The following CDC14B variants were observed in gnomAD, a reference collection of about 807,000 sequenced individuals.
CDC14B encodes the protein dual specificity protein phosphatase CDC14B.
A neutral mutation model predicts 64.2 loss-of-function variants in CDC14B; 22 were observed. The observed-to-expected ratio is 0.34, with a 90% CI of 0.24 to 0.49. The LOEUF (loss-of-function observed/expected upper bound fraction) is 0.49. Ranked by LOEUF, CDC14B falls within the 20% of genes least tolerant of loss-of-function variation. The pLI, the probability that CDC14B is intolerant of heterozygous loss-of-function variation, is 0.99. For missense variants in CDC14B, 498 were observed against 629.9 expected (o/e 0.79, Z 2.24); for synonymous variants, 191 against 215.8 (o/e 0.89, Z 1.01).
intron 1 of CDC14B, among the ~76,000 whole-genome samples, chr9:96,565,961 G>A (rs1371116606): frequency 6.6e-6 from 1 of 152,188 alleles, no homozygotes; most frequent in Non-Finnish European, 1.5e-5. Flanking sequence ...TACAGCTATA[G>A]AACAAACCAT....
chr9:96,567,578 C>T (rs1844176483), intron 1 of CDC14B, among the ~76,000 whole-genome samples: 2 of 152,156 alleles, frequency 1.3e-5, no homozygotes, highest in African/African-American at 2.4e-5. Context: ...TTTAAAGGGA[C>T]GGTTTGGGAT....
At chr9:96,595,620 T>C (rs1263845504) in intron 1 of CDC14B, among the ~76,000 whole-genome samples, 1 of 152,188 alleles carries the variant, frequency 6.6e-6, no homozygotes, top group Non-Finnish European at 1.5e-5. Context: ...CAATGCAATA[T>C]TCAGCCATAA....
At chr9:96,610,901 T>C (rs1210732207) in intron 1 of CDC14B, among the ~76,000 whole-genome samples, 1 of 152,042 alleles carries the variant, frequency 6.6e-6, no homozygotes, top group Admixed American at 6.6e-5. Context: ...GTCATAAACA[T>C]ACCAATGCTG....
intron 13 of CDC14B, among the ~76,000 whole-genome samples, chr9:96,504,809 T>TGAA (rs1426232320): frequency 1.3e-5 from 2 of 151,694 alleles, no homozygotes; most frequent in African/African-American, 4.8e-5. Context: ...CCGAGAACAC[T>TGAA]GAAGAAGTTA....
chr9:96,539,067 T>C lies in CDC14B; in HGVS notation c.627+11A>G, dbSNP rs550254014. ...GAGGAAGAGTTGAAAACATGATCCT[T>C]GAAGACTTACTTCATAGTGTTCATA... On this transcript the variant is annotated intron_variant, in intron 7 of 13. Transcript: ENST00000375241. 2.5e-6 allele frequency: 4 copies of C among 1,581,934 alleles called. No homozygotes were observed. The South Asian group carries it at 3.3e-5, about 13-fold the overall frequency.
At chr9:96,527,262 G>A (rs1564249583) in intron 9 of CDC14B, among the ~76,000 whole-genome samples, 1 of 152,128 alleles carries the variant, frequency 6.6e-6, no homozygotes, top group Non-Finnish European at 1.5e-5. Flanking sequence ...AGCCGGGCGC[G>A]GTGGCGGGCG....
chr9:96,594,979 C>T (rs141160210), intron 1 of CDC14B, among the ~76,000 whole-genome samples: 6,949 of 152,042 alleles, frequency 0.046, 491 homozygotes, highest in African/African-American at 0.16. Context: ...GGTGAAACCC[C>T]GTCTCTACTA....
At chr9:96,547,457 G>C (rs1421386020) in intron 5 of CDC14B, among the ~76,000 whole-genome samples, 1 of 150,640 alleles carries the variant, frequency 6.6e-6, no homozygotes, top group Non-Finnish European at 1.5e-5. Context: ...CAGAGCGAGA[G>C]TCTGTCTTAA....
chr9:96,581,505 A>ATTAATT (rs1564369958), intron 1 of CDC14B, among the ~76,000 whole-genome samples: 4 of 136,412 alleles, frequency 2.9e-5, no homozygotes, highest in African/African-American at 1.5e-4. Flanking sequence ...TTAAATTTAA[A>ATTAATT]AAATTAATTT....
At chr9:96,520,078 A>G (rs1359485985) in intron 12 of CDC14B, among the ~76,000 whole-genome samples, 1 of 152,244 alleles carries the variant, frequency 6.6e-6, no homozygotes, top group Non-Finnish European at 1.5e-5. Context: ...ACTGCAAATA[A>G]TAGCAGAGAG....
At chr9:96,533,633 C>T (rs534244174) in intron 9 of CDC14B, among the ~76,000 whole-genome samples, 56 of 152,282 alleles carry the variant, frequency 3.7e-4, no homozygotes, top group Admixed American at 7.2e-4. Context: ...AATATAGTTT[C>T]CATTAAGACA....
At chr9:96,495,675 T>C (rs1037447473), downstream of CDC14B, among the ~76,000 whole-genome samples, 2 of 152,118 alleles carry the variant, frequency 1.3e-5, no homozygotes, top group African/African-American at 4.8e-5. Context: ...GGAAGGTGGA[T>C]AGAAAGACAG....
chr9:96,541,906 G>A lies in CDC14B; in HGVS notation c.498-14C>T. On this transcript the variant is annotated splice_polypyrimidine_tract_variant and intron_variant, in intron 5 of 13. Transcript: ENST00000375241. ...TAGGCAGCATCTCTGAAACCCAAGA[G>A]TAATAAAATGTAGATCAGTTAATTT... 6.3e-7 allele frequency: 1 copy of A among 1,583,996 alleles called. No homozygotes were observed. The highest frequency in any genetic ancestry group is 1.3e-5 in the African/African-American group (1 of 74,396).
chr9:96,549,904 A>C (rs1174308281), intron 5 of CDC14B, among the ~76,000 whole-genome samples: 1 of 152,218 alleles, frequency 6.6e-6, no homozygotes, highest in African/African-American at 2.4e-5. Flanking sequence ...CCTGTATTTA[A>C]ATTAACTCAA....
At chr9:96,518,178 TATC>T (rs1326086322) in intron 12 of CDC14B, among the ~76,000 whole-genome samples, 1 of 152,214 alleles carries the variant, frequency 6.6e-6, no homozygotes, top group Non-Finnish European at 1.5e-5. Flanking sequence ...TGATTTGGCT[TATC>T]ATGTCATTTT....
chr9:96,523,855 T>G (rs1386588301), intron 9 of CDC14B, 130 bp from the exon 10 acceptor site: 1 of 875,648 alleles, frequency 1.1e-6, no homozygotes, highest in East Asian at 2.7e-5. Flanking sequence ...CAAGGCTGGT[T>G]ACACTCTGGA....
At chr9:96,525,505 A>G (rs768427480) in intron 9 of CDC14B, among the ~76,000 whole-genome samples, 26 of 151,680 alleles carry the variant, frequency 1.7e-4, no homozygotes, top group Non-Finnish European at 2.9e-4. Flanking sequence ...GGCCACCTCT[A>G]TTAGTTACAG....
intron 13 of CDC14B, among the ~76,000 whole-genome samples, chr9:96,494,781 C>T (rs941337445): frequency 1.8e-5 from 2 of 112,224 alleles, no homozygotes; most frequent in Non-Finnish European, 3.7e-5. Flanking sequence ...TCCCCCCTCC[C>T]GTCCCCTCCC....
chr9:96,501,401 C>CT lies in CDC14B; in HGVS notation c.*2351dup, dbSNP rs994724631. 6.6e-6 allele frequency: 1 copy of CT among 152,162 alleles called. No individual in the cohort carries two copies. Among genetic ancestry groups the CT allele is most frequent in the African/African-American group, 2.4e-5 (1 of 41,426 alleles). 9.4% of individuals were successfully genotyped at this position (152,162 alleles called of 1,614,324 possible). On this transcript the variant is annotated 3_prime_UTR_variant, in exon 14 of 14. Coordinates refer to ENST00000375241, the MANE Select transcript of CDC14B (RefSeq NM_033331.4). Reference sequence around the variant, plus strand: ...AACAAGGTCTTCTATAACAACGACTCTAAGTCAGAATTCCAGAAGATTCTG... The same window carrying CT: ...AACAAGGTCTTCTATAACAACGACTCTTAAGTCAGAATTCCAGAAGATTCTG...
Sources: gnomAD v4.1 joint callset for allele counts (sites outside exome capture counted in the v4.1 genomes callset) on GRCh38, gnomAD v4.1.1 for gene constraint, MANE v1.5 for transcripts, NCBI Gene and HGNC (gene_info 2026-07-23, HGNC 2026-07-21) for gene names.